RCVRN: variants seen among roughly 807,000 people sequenced by gnomAD.
RCVRN encodes the protein recoverin, also known as cancer associated retinopathy antigen.
In RCVRN, 23 loss-of-function variants were observed where a neutral mutation model predicts 20.4. The ratio of observed to expected loss-of-function variants is 1.13; its 90% CI spans 0.81 to 1.60. RCVRN has a LOEUF of 1.60. Among genes scored for constraint, RCVRN ranks in the 40% most tolerant of loss-of-function variants. The probability of loss-of-function intolerance (pLI) is 0.00; values close to 1 mark genes in which losing one functional copy is unlikely to be tolerated. For synonymous variants in RCVRN, 105 were observed against 105.9 expected (o/e 0.99, Z 0.05); for missense variants, 254 against 254.2 (o/e 1.00, Z 0.00).
At chr17:9,898,498 G>A (rs1034409449) in intron 2 of RCVRN, among the ~76,000 whole-genome samples, 11 of 152,142 alleles carry the variant, frequency 7.2e-5, no homozygotes, top group Non-Finnish European at 1.2e-4. Flanking sequence ...CCGATTGGCC[G>A]GTGCCCCTGC....
chr17:9,903,361 C>T (rs77617442), intron 1 of RCVRN, among the ~76,000 whole-genome samples: 27,957 of 152,168 alleles, frequency 0.18, 3,323 homozygotes, highest in Non-Finnish European at 0.27. Flanking sequence ...GGGGAGAAGG[C>T]GTGTTGGGAA....
intron 1 of RCVRN, among the ~76,000 whole-genome samples, chr17:9,901,435 C>T (rs1373947168): frequency 4.6e-5 from 5 of 108,278 alleles, no homozygotes; most frequent in East Asian, 2.1e-4. Flanking sequence ...AGAAAACATT[C>T]GCAAACCATT....
At position 9,901,030 on chromosome 17, in the gene RCVRN, C is replaced by T. The variant is rs796526122; in HGVS notation, c.452G>A (p.Arg151Gln). 20 of 1,610,432 alleles carry T rather than the reference C, an allele frequency of 1.2e-5. No homozygotes were observed. Among genetic ancestry groups the T allele is most frequent in the Middle Eastern group, 1.7e-4 (1 of 6,042 alleles). The change falls in exon 2 of 3, where the codon CGA becomes CAA. Residue 151 changes from arginine (R) to glutamine (Q), a missense_variant. Physicochemically the swap from Arg to Gln is conservative, Grantham distance 43. Transcript: ENST00000226193. The stretch of plus-strand genomic sequence containing the variant: ...AAAGTACTTCCAGATCTTCTCGGCT[C>T]GCTTTTCCGGCGTGTTTTCATCGTC... ...LPDDENTPEK[R>Q]AEKIWKYFGK...
At chr17:9,901,708 G>A (rs2067342476) in intron 1 of RCVRN, among the ~76,000 whole-genome samples, 1 of 152,240 alleles carries the variant, frequency 6.6e-6, no homozygotes, top group African/African-American at 2.4e-5. Context: ...ATGTGCAGGT[G>A]TGCCAGCTAG....
At position 9,898,114 on chromosome 17, in the gene RCVRN, T is replaced by C; in HGVS notation, c.584A>G (p.Glu195Gly). Residue 195 changes from glutamate to glycine, a missense_variant, in exon 3 of 3, where the codon GAA becomes GGA. Glu to Gly is a moderately conservative substitution (Grantham distance 98). Coordinates refer to ENST00000226193, the MANE Select transcript of RCVRN (RefSeq NM_002903.3). ...LIQFEPQKVK[E>G]KMKNA ...TTGGCATCAGGCGTTCTTCATCTTT[T>C]CCTTCACTTTTTGAGGCTCAAACTG... is the stretch of plus-strand genomic sequence containing the variant. 1 of 1,613,706 alleles carries C rather than the reference T, an allele frequency of 6.2e-7. No homozygotes were observed. The highest frequency in any genetic ancestry group is 8.5e-7 in the Non-Finnish European group (1 of 1,179,590).
intron 1 of RCVRN, among the ~76,000 whole-genome samples, chr17:9,901,777 G>A (rs1161004858): frequency 6.6e-6 from 1 of 152,238 alleles, no homozygotes; most frequent in African/African-American, 2.4e-5. Context: ...GACCTCCAGA[G>A]CCTCAGGAAA....
intron 1 of RCVRN, 133 bp from the exon 2 acceptor site, chr17:9,901,233 C>G (rs1221047356): frequency 4.3e-6 from 2 of 467,128 alleles, no homozygotes; most frequent in African/African-American, 3.9e-5. Context: ...AGACCTCAGA[C>G]CGTCAAACTG....
chr17:9,896,474 A>G lies in RCVRN; in HGVS notation c.*1621T>C, dbSNP rs2067317750. On this transcript the variant is annotated 3_prime_UTR_variant, in exon 3 of 3. Transcript: ENST00000226193. The stretch of plus-strand genomic sequence containing the variant: ...ACTCCTCAGCCTCAAGAGGTTGCAG[A>G]CAGGTCAGTCAAGAATCCAGGGTAT... The G allele has an allele frequency of 6.6e-6, 1 of 152,232 alleles. No homozygotes were observed. The highest frequency in any genetic ancestry group is 2.4e-5 in the African/African-American group (1 of 41,462). 9.4% of individuals were successfully genotyped at this position (152,232 alleles called of 1,614,324 possible).
chr17:9,904,873 T>A lies in RCVRN; in HGVS notation c.308A>T (p.Glu103Val). The change falls in exon 1 of 3, where the codon GAG becomes GTG. Residue 103 changes from glutamate (E) to valine (V), a missense_variant. Coordinates refer to ENST00000226193, the MANE Select transcript of RCVRN (RefSeq NM_002903.3). This position sits in a 1 kb window ranked among gnomAD's most constrained non-coding sequence, Gnocchi z 5.8. Reference sequence around the variant, plus strand: ...CACGTCGTAGAGGGAGAAGGCCCACTCCAGCTTCTGGTTGGTCTTGCCCGC... The same window carrying A: ...CACGTCGTAGAGGGAGAAGGCCCACACCAGCTTCTGGTTGGTCTTGCCCGC... ...TTAGKTNQKL[E>V]WAFSLYDVDG... 1 of 1,614,190 alleles carries A rather than the reference T, an allele frequency of 6.2e-7. No individual in the cohort carries two copies. Among genetic ancestry groups the A allele is most frequent in the East Asian group, 2.2e-5 (1 of 44,880 alleles).
rs2067353086 is a variant in RCVRN, at chr17:9,904,219, G to C, written c.381+581C>G. Among the ~76,000 whole-genome samples the C allele has an allele frequency of 6.6e-6, 1 of 152,136 alleles. No homozygotes were observed. The highest frequency in any genetic ancestry group is 2.1e-4 in the South Asian group (1 of 4,818). On this transcript the variant is annotated intron_variant, in intron 1 of 2. Transcript: ENST00000226193. The surrounding 1 kb of genome is among the most constrained non-coding windows in gnomAD (Gnocchi z 5.8). ...TCGCACTATTGCACTCCAGCTCTGG[G>C]CTACAGAGTGAGACTCCATCTCAAA...
chr17:9,896,830 T>A lies in RCVRN; in HGVS notation c.*1265A>T, dbSNP rs2067318839. On this transcript the variant is annotated 3_prime_UTR_variant, in exon 3 of 3. Coordinates refer to ENST00000226193, the MANE Select transcript of RCVRN (RefSeq NM_002903.3). ...CATTGTTCCCTGAAACCCCAAAGAC[T>A]CTCTGTATTTCTCATCTCCATAGAT... The A allele has an allele frequency of 6.6e-6, 1 of 152,280 alleles. No homozygotes were observed. The highest frequency in any genetic ancestry group is 6.5e-5 in the Admixed American group (1 of 15,288). The allele number at this position is 152,280 out of a possible 1,614,324, so 9.4% of individuals were successfully genotyped here.
rs888278865 is a variant in RCVRN, at chr17:9,897,182, T to G, written c.*913A>C. The G allele has an allele frequency of 6.6e-6, 1 of 152,292 alleles. No homozygotes were observed. The highest frequency in any genetic ancestry group is 6.5e-5 in the Admixed American group (1 of 15,274). 9.4% of individuals were successfully genotyped at this position (152,292 alleles called of 1,614,324 possible). On this transcript the variant is annotated 3_prime_UTR_variant, in exon 3 of 3. Transcript: ENST00000226193. ...GCTGTCCCCATGGTGAGCCCCCAAG[T>G]GCTTACCACAGGCTGCAGGGAGGGC...
intron 2 of RCVRN, 86 bp from the exon 3 acceptor site, chr17:9,898,290 G>T: frequency 1.2e-6 from 1 of 805,016 alleles, no homozygotes; most frequent in Admixed American, 1.8e-5. Flanking sequence ...CATCTAGCCA[G>T]TATCCCCAGT....
rs1321930971 is a variant in RCVRN, at chr17:9,897,547, T to A, written c.*548A>T. ...GTCATGGCTCCTTCCAGGTTCATTGTCCCCTCTGGACCATGAGCTCCATGA... is the reference window on the plus strand; with the variant it reads ...GTCATGGCTCCTTCCAGGTTCATTGACCCCTCTGGACCATGAGCTCCATGA... On this transcript the variant is annotated 3_prime_UTR_variant, in exon 3 of 3. Transcript: ENST00000226193. The A allele has an allele frequency of 6.5e-6, 1 of 152,804 alleles. No homozygotes were observed. Among genetic ancestry groups the A allele is most frequent in the Non-Finnish European group, 1.5e-5 (1 of 68,570 alleles). 9.5% of individuals were successfully genotyped at this position (152,804 alleles called of 1,614,324 possible).
In RCVRN at chr17:9,898,918, G is replaced by A. The variant is rs930172943; in HGVS notation, c.494-714C>T. ...TTGTTGCGCCCACACCTGGTTTTCC[G>A]GTGTTTTTAATCAGGTGGCTAACTG... On this transcript the variant is annotated intron_variant, in intron 2 of 2. Coordinates refer to ENST00000226193, the MANE Select transcript of RCVRN (RefSeq NM_002903.3). 5.9e-5 allele frequency among the ~76,000 whole-genome samples: 9 copies of A among 152,148 alleles called. No homozygotes were observed. The East Asian group carries it at 1.5e-3, about 26-fold the overall frequency.
Position 9,898,768 on chromosome 17 carries a change from G to A in RCVRN, c.494-564C>T, listed in dbSNP as rs552622166. 1.7e-3 allele frequency among the ~76,000 whole-genome samples: 264 copies of A among 152,256 alleles called. 1 individual carries two copies. The highest frequency in any genetic ancestry group is 0.014 in the South Asian group (67 of 4,816). ...TTGCAGAGAGGTCTCTTTGGCACCT[G>A]CAGCACACAGGCAGCCCCATGATTC... On this transcript the variant is annotated intron_variant, in intron 2 of 2. Coordinates refer to ENST00000226193, the MANE Select transcript of RCVRN (RefSeq NM_002903.3).
intron 1 of RCVRN, among the ~76,000 whole-genome samples, chr17:9,903,651 G>A (rs2067350639): frequency 6.6e-6 from 1 of 152,236 alleles, no homozygotes; most frequent in East Asian, 1.9e-4. Flanking sequence ...AAAGGATGGA[G>A]AGAAAGAAAA....
rs1454250002 is a variant in RCVRN at position 9,898,161 on chromosome 17, A to T, written c.537T>A (p.Asn179Lys). 6.2e-7 allele frequency: 1 copy of T among 1,613,798 alleles called. No homozygotes were observed. The highest frequency in any genetic ancestry group is 8.5e-7 in the Non-Finnish European group (1 of 1,179,770). ...ACTGGATCAGTCGCAGAATTTCCTT[A>T]TTGGCCAGTGTCCCCTCAATGAATT... ...EKEFIEGTLA[N>K]KEILRLIQFE... The change falls in exon 3 of 3, where the codon AAT (asparagine) becomes AAA (lysine). Residue 179 changes from asparagine to lysine, a missense_variant. Transcript: ENST00000226193.
At chr17:9,898,289 A>G (rs2067327607) in intron 2 of RCVRN, 85 bp from the exon 3 acceptor site, 4 of 805,836 alleles carry the variant, frequency 5.0e-6, no homozygotes, top group South Asian at 4.1e-5. Flanking sequence ...ACATCTAGCC[A>G]GTATCCCCAG....
Sources: gnomAD v4.1 joint callset for allele counts (sites outside exome capture counted in the v4.1 genomes callset) on GRCh38, gnomAD v4.1.1 for gene constraint, Gnocchi (gnomAD v3.1) non-coding constraint, MANE v1.5 for transcripts, NCBI Gene and HGNC (gene_info 2026-07-23, HGNC 2026-07-21) for gene names.